Variants in ADD3 observed in about 807,000 individuals in gnomAD.
ADD3 encodes the protein adducin 3, also known as gamma-adducin.
ADD3 carries 25 observed loss-of-function variants against 80.2 expected under a neutral mutation model. The observed-to-expected ratio is 0.31, with a 90% CI of 0.23 to 0.44. The LOEUF (loss-of-function observed/expected upper bound fraction) is 0.44, where lower values mean the gene tolerates loss of function less well. Ranked by LOEUF, ADD3 falls within the 20% of genes least tolerant of loss-of-function variation. The probability of loss-of-function intolerance (pLI) is 1.00; values close to 1 mark genes in which losing one functional copy is unlikely to be tolerated. For synonymous variants in ADD3, 284 were observed against 289.6 expected, an observed-to-expected ratio of 0.98 and a Z score of 0.20; for missense variants, 829 against 847.5, an observed-to-expected ratio of 0.98 and a Z score of 0.27.
intron 1 of ADD3, among the ~76,000 whole-genome samples, chr10:110,052,192 A>G (rs1448244980): frequency 6.6e-6 from 1 of 152,220 alleles, no homozygotes; most frequent in Non-Finnish European, 1.5e-5. Flanking sequence ...TCTTTTATAG[A>G]GGGATCTTTC....
chr10:110,035,864 A>G (rs35873418), intron 1 of ADD3, among the ~76,000 whole-genome samples: 12,477 of 152,148 alleles, frequency 0.082, 1,643 homozygotes, highest in African/African-American at 0.28. Flanking sequence ...ATCGAAGCCT[A>G]TCATCTGCCA....
intron 1 of ADD3, among the ~76,000 whole-genome samples, chr10:109,997,309 G>A (rs1414975832): frequency 1.3e-5 from 2 of 152,198 alleles, no homozygotes; most frequent in Admixed American, 6.5e-5. Context: ...TCAGAAGAGG[G>A]TGGGGTGCCA....
chr10:110,094,414 G>A (rs1311648006), intron 1 of ADD3, among the ~76,000 whole-genome samples: 1 of 152,126 alleles, frequency 6.6e-6, no homozygotes, highest in Non-Finnish European at 1.5e-5. Flanking sequence ...ATTGAATCTA[G>A]TCTGAAATAT....
chr10:110,063,880 A>G (rs1843588395), intron 1 of ADD3, among the ~76,000 whole-genome samples: 1 of 149,970 alleles, frequency 6.7e-6, no homozygotes, highest in African/African-American at 2.5e-5. Flanking sequence ...TCTGCAAGGC[A>G]GCCATAATCC....
chr10:110,034,693 A>T (rs1275055335), intron 1 of ADD3, among the ~76,000 whole-genome samples: 1 of 152,130 alleles, frequency 6.6e-6, no homozygotes, highest in East Asian at 1.9e-4. Context: ...ATATTCTCTA[A>T]TCTGAATATA....
At position 110,122,308 on chromosome 10, in the gene ADD3, G is replaced by C. The variant is rs1851606135; in HGVS notation, c.1143+16G>C. ...GGACAACTTGGTAGGTTGCAAAATT[G>C]AAGTAAAACTTGGATTTAATGTCTT... On this transcript the variant is annotated intron_variant, in intron 9 of 14. Coordinates refer to ENST00000356080, the MANE Select transcript of ADD3 (RefSeq NM_016824.5). The C allele has an allele frequency of 1.2e-6, 2 of 1,609,092 alleles. No individual in the cohort carries two copies. The highest frequency in any genetic ancestry group is 2.2e-5 in the East Asian group (1 of 44,836).
chr10:110,101,490 C>T (rs1848804493), intron 2 of ADD3, among the ~76,000 whole-genome samples: 1 of 151,876 alleles, frequency 6.6e-6, no homozygotes, highest in African/African-American at 2.4e-5. Flanking sequence ...TAAAAATTAA[C>T]TGGGTGTGGT....
At chr10:110,025,148 G>A (rs976299396) in intron 1 of ADD3, among the ~76,000 whole-genome samples, 6 of 151,874 alleles carry the variant, frequency 4.0e-5, no homozygotes, top group South Asian at 2.1e-4. Context: ...CACCCACCTC[G>A]GCCTCCCAAA....
chr10:110,063,909 A>C (rs1449531019), intron 1 of ADD3, among the ~76,000 whole-genome samples: 1 of 151,150 alleles, frequency 6.6e-6, no homozygotes. Context: ...TTTAGTTTTG[A>C]ACATACCATA....
upstream of ADD3, among the ~76,000 whole-genome samples, chr10:110,001,191 G>A (rs1044151088): frequency 4.2e-4 from 64 of 152,020 alleles, no homozygotes; most frequent in African/African-American, 1.5e-3. Context: ...GAGGTGGGTG[G>A]GTCACTTGAG....
intron 13 of ADD3, among the ~76,000 whole-genome samples, chr10:110,131,550 T>A: frequency 6.6e-6 from 1 of 152,230 alleles, no homozygotes. Flanking sequence ...TTTGTCCATG[T>A]TAGATATCAT....
intron 1 of ADD3, among the ~76,000 whole-genome samples, chr10:110,064,366 G>C (rs1243430506): frequency 2.0e-5 from 3 of 152,176 alleles, no homozygotes; most frequent in Non-Finnish European, 4.4e-5. Flanking sequence ...CTGAGTTCCA[G>C]ATGTTCCACA....
chr10:110,130,399 G>GC lies in ADD3; in HGVS notation c.1646dup (p.Pro550SerfsTer3). 6.2e-7 allele frequency: 1 copy of GC among 1,613,958 alleles called. No homozygotes were observed. The highest frequency in any genetic ancestry group is 1.3e-5 in the African/African-American group (1 of 75,008). On this transcript the variant is annotated frameshift_variant, in exon 13 of 15. Transcript: ENST00000356080. LOFTEE classifies it high-confidence loss of function. ...TGAAGATGATGATCATGGCCCACCA[G>GC]CTCCTCCTAACCCATTTAGTCATCT...
At chr10:109,997,318 C>A (rs1851400081) in intron 1 of ADD3, among the ~76,000 whole-genome samples, 1 of 152,118 alleles carries the variant, frequency 6.6e-6, no homozygotes, top group Non-Finnish European at 1.5e-5. Context: ...GGTGGGGTGC[C>A]AAGCTGCAGC....
chr10:109,998,174 T>C (rs779431436), intron 1 of ADD3, among the ~76,000 whole-genome samples: 1 of 151,934 alleles, frequency 6.6e-6, no homozygotes, highest in Non-Finnish European at 1.5e-5. Flanking sequence ...AGAAAGAGGG[T>C]AATCTCAAAC....
chr10:110,121,186 T>G (rs1851448141), intron 8 of ADD3, among the ~76,000 whole-genome samples: 1 of 152,074 alleles, frequency 6.6e-6, no homozygotes, highest in Non-Finnish European at 1.5e-5. Context: ...ATTTTCTCTT[T>G]AAATCAAGCA....
At chr10:110,030,857 A>G (rs1331195719) in intron 1 of ADD3, among the ~76,000 whole-genome samples, 1 of 151,598 alleles carries the variant, frequency 6.6e-6, no homozygotes, top group Non-Finnish European at 1.5e-5. Flanking sequence ...CCTACAAGCA[A>G]CCTCTACTCC....
At chr10:110,112,652 G>T in intron 2 of ADD3, 125 bp from the exon 3 acceptor site, 5 of 1,127,160 alleles carry the variant, frequency 4.4e-6, no homozygotes, top group Non-Finnish European at 6.2e-6. Context: ...TTTTATATTT[G>T]TTTTTAAATA....
At chr10:110,000,982 C>T (rs950553005), upstream of ADD3, among the ~76,000 whole-genome samples, 1 of 152,114 alleles carries the variant, frequency 6.6e-6, no homozygotes, top group African/African-American at 2.4e-5. Context: ...GAATAATGCA[C>T]CTGGAAACTC....
Sources: gnomAD v4.1 joint callset for allele counts (sites outside exome capture counted in the v4.1 genomes callset) on GRCh38, gnomAD v4.1.1 for gene constraint, MANE v1.5 for transcripts, NCBI Gene and HGNC (gene_info 2026-07-23, HGNC 2026-07-21) for gene names.